NOL4: variants seen among roughly 807,000 people sequenced by gnomAD.
NOL4 encodes the protein nucleolar protein 4, also known as cancer/testis antigen 125.
A neutral mutation model predicts 75.9 loss-of-function variants in NOL4; 17 were observed. That is an observed-to-expected ratio of 0.22 (90% CI 0.15 to 0.34). The LOEUF (loss-of-function observed/expected upper bound fraction) is 0.34, where lower values mean the gene tolerates loss of function less well. Among genes scored for constraint, NOL4 ranks in the 10% least tolerant of loss-of-function variants. NOL4 has a pLI of 1.00. For missense variants in NOL4, 614 were observed against 793.5 expected (o/e 0.77, Z 2.72); for synonymous variants, 292 against 289.9 (o/e 1.01, Z -0.07).
chr18:33,976,045 A>C (rs1307945634), intron 6 of NOL4, among the ~76,000 whole-genome samples: 1 of 152,224 alleles, frequency 6.6e-6, no homozygotes, highest in Non-Finnish European at 1.5e-5. Context: ...GGAGGGCCTT[A>C]GAGACAGGCA....
At chr18:34,068,384 T>A (rs894695675) in intron 5 of NOL4, among the ~76,000 whole-genome samples, 3 of 152,186 alleles carry the variant, frequency 2.0e-5, no homozygotes, top group African/African-American at 7.2e-5. Context: ...TTTCTTTTTT[T>A]AAAATTTTTT....
At chr18:34,015,343 T>C (rs1467003318) in intron 6 of NOL4, among the ~76,000 whole-genome samples, 12 of 152,024 alleles carry the variant, frequency 7.9e-5, no homozygotes. Context: ...TCTTCTGCCA[T>C]GTGATTTGAA....
In NOL4 at chr18:34,221,910, C is replaced by T. The variant is rs2037336733; in HGVS notation, c.264+1080G>A. ...GGAATACTGCACCGGGAAACAGTTG[C>T]CAGTACAGGAGGGGGGAAAGGAAGA... On this transcript the variant is annotated intron_variant, in intron 1 of 10. Transcript: ENST00000261592. 4.8e-6 allele frequency: 4 copies of T among 838,500 alleles called. No homozygotes were observed. The East Asian group carries it at 1.1e-4, about 24-fold the overall frequency. 51.9% of individuals were successfully genotyped at this position (838,500 alleles called of 1,614,324 possible).
intron 6 of NOL4, among the ~76,000 whole-genome samples, chr18:33,992,896 G>C (rs2073024850): frequency 6.6e-6 from 1 of 151,998 alleles, no homozygotes; most frequent in Non-Finnish European, 1.5e-5. Context: ...CCATAATGTA[G>C]CACTTAATCT....
intron 10 of NOL4, among the ~76,000 whole-genome samples, chr18:33,874,932 G>A (rs1260905634): frequency 6.6e-6 from 1 of 151,884 alleles, no homozygotes; most frequent in African/African-American, 2.4e-5. Context: ...TATTAATGAA[G>A]AGCAAGGAAG....
intron 10 of NOL4, among the ~76,000 whole-genome samples, chr18:33,862,687 C>T (rs978954119): frequency 6.6e-6 from 1 of 152,154 alleles, no homozygotes; most frequent in African/African-American, 2.4e-5. Flanking sequence ...CCATCACTGG[C>T]CATCAGAGAA....
intron 6 of NOL4, among the ~76,000 whole-genome samples, chr18:34,015,049 CA>C (rs1324286080): frequency 6.6e-6 from 1 of 151,986 alleles, no homozygotes; most frequent in Non-Finnish European, 1.5e-5. Flanking sequence ...AGTGTCACTT[CA>C]AAAGGTCACA....
intron 9 of NOL4, among the ~76,000 whole-genome samples, chr18:33,926,327 T>C (rs1169046780): frequency 9.2e-6 from 1 of 108,716 alleles, no homozygotes; most frequent in Non-Finnish European, 1.7e-5. Context: ...GCCACTGCCC[T>C]CCAAAATGGC....
Position 34,216,490 on chromosome 18 carries a change from T to G in NOL4, c.264+6500A>C, listed in dbSNP as rs571404191. ...TCAATCAAATCAAGGAATTCAGAGGTAAAGGAAACCAGATAACAAAACAGA... is the reference window on the plus strand; with the variant it reads ...TCAATCAAATCAAGGAATTCAGAGGGAAAGGAAACCAGATAACAAAACAGA... On this transcript the variant is annotated intron_variant, in intron 1 of 10. Coordinates refer to ENST00000261592, the MANE Select transcript of NOL4 (RefSeq NM_003787.5). Among the ~76,000 whole-genome samples the G allele has an allele frequency of 2.1e-3, 316 of 151,828 alleles. 7 individuals are homozygous for G. In the South Asian group the frequency reaches 0.032, roughly 16 times the overall value.
At chr18:34,136,363 A>G (rs1209280799) in intron 1 of NOL4, among the ~76,000 whole-genome samples, 1 of 152,196 alleles carries the variant, frequency 6.6e-6, no homozygotes, top group Non-Finnish European at 1.5e-5. Flanking sequence ...GGGAAAAGAC[A>G]GAAAATACAC....
intron 6 of NOL4, among the ~76,000 whole-genome samples, chr18:34,008,700 A>AT (rs1210634057): frequency 6.6e-6 from 1 of 151,892 alleles, no homozygotes; most frequent in East Asian, 1.9e-4. Flanking sequence ...ATGGAAATTT[A>AT]TTTCATTTGA....
intron 5 of NOL4, among the ~76,000 whole-genome samples, chr18:34,059,132 T>C (rs893763034): frequency 1.1e-5 from 1 of 91,244 alleles, no homozygotes; most frequent in Non-Finnish European, 2.3e-5. Context: ...CATATATATA[T>C]ATATATATAT....
chr18:34,054,854 T>G (rs1274318266), intron 5 of NOL4, among the ~76,000 whole-genome samples: 1 of 151,594 alleles, frequency 6.6e-6, no homozygotes, highest in Non-Finnish European at 1.5e-5. Flanking sequence ...GACTTTCTTT[T>G]CATTTCCTTT....
intron 6 of NOL4, among the ~76,000 whole-genome samples, chr18:33,961,316 A>AG (rs1002565898): frequency 6.6e-6 from 1 of 151,820 alleles, no homozygotes; most frequent in Non-Finnish European, 1.5e-5. Context: ...GTGTGTGTGT[A>AG]GGGTGGGTGA....
chr18:34,138,851 A>G (rs1170165557), intron 1 of NOL4, among the ~76,000 whole-genome samples: 1 of 152,166 alleles, frequency 6.6e-6, no homozygotes, highest in Non-Finnish European at 1.5e-5. Context: ...GATATGTCCC[A>G]TCAATACCTA....
At chr18:34,077,066 A>T (rs756644352) in intron 5 of NOL4, among the ~76,000 whole-genome samples, 1 of 152,088 alleles carries the variant, frequency 6.6e-6, no homozygotes, top group Non-Finnish European at 1.5e-5. Flanking sequence ...AGCACTTTCG[A>T]AGGCTGAGGT....
intron 1 of NOL4, among the ~76,000 whole-genome samples, chr18:34,135,755 G>C (rs922907369): frequency 1.4e-5 from 2 of 147,294 alleles, no homozygotes; most frequent in Non-Finnish European, 3.0e-5. Flanking sequence ...CAGCCTCACT[G>C]AACCAAACAT....
chr18:34,079,450 G>C (rs2077898302), intron 5 of NOL4, among the ~76,000 whole-genome samples: 1 of 151,820 alleles, frequency 6.6e-6, no homozygotes, highest in African/African-American at 2.4e-5. Context: ...TTTTCCTTTA[G>C]TGTAAGTACC....
intron 6 of NOL4, among the ~76,000 whole-genome samples, chr18:34,003,261 G>C (rs1404834021): frequency 6.6e-6 from 1 of 151,872 alleles, no homozygotes; most frequent in East Asian, 1.9e-4. Flanking sequence ...CTTTATTATT[G>C]TATGTGTTTT....
Sources: gnomAD v4.1 joint callset for allele counts (sites outside exome capture counted in the v4.1 genomes callset) on GRCh38, gnomAD v4.1.1 for gene constraint, MANE v1.5 for transcripts, NCBI Gene and HGNC (gene_info 2026-07-23, HGNC 2026-07-21) for gene names.